SOX5: variants seen among roughly 807,000 people sequenced by gnomAD.
SOX5 encodes transcription factor SOX-5.
In SOX5, 9 loss-of-function variants were observed where a neutral mutation model predicts 92.0. That is an observed-to-expected ratio of 0.10 (90% CI 0.06 to 0.17). SOX5 has a LOEUF of 0.17. SOX5 is among the 10% of genes least tolerant of loss of function. The probability of loss-of-function intolerance (pLI) is 1.00; values close to 1 mark genes in which losing one functional copy is unlikely to be tolerated. For synonymous variants in SOX5, 344 were observed against 336.3 expected (o/e 1.02, Z -0.25); for missense variants, 642 against 944.5 (o/e 0.68, Z 4.20).
chr12:23,891,891 C>T (rs2097133158), intron 2 of SOX5, among the ~76,000 whole-genome samples: 1 of 152,056 alleles, frequency 6.6e-6, no homozygotes, highest in Non-Finnish European at 1.5e-5. Context: ...ATATATTATA[C>T]ATTAGTAGAT....
rs569099975 is a variant in SOX5, at chr12:23,713,658, T to C, written c.810+21026A>G. 1.1e-4 allele frequency among the ~76,000 whole-genome samples: 17 copies of C among 149,660 alleles called. 2 individuals are homozygous for C. The South Asian group carries it at 3.6e-3, about 32-fold the overall frequency. On this transcript the variant is annotated intron_variant, in intron 6 of 14. Transcript: ENST00000451604. ...ATTCTCCAGTGTCTCTGTGTGTGTGTGTGTGTATGTGTGAATGTGTGTATT... is the reference window on the plus strand; with the variant it reads ...ATTCTCCAGTGTCTCTGTGTGTGTGCGTGTGTATGTGTGAATGTGTGTATT...
intron 8 of SOX5, among the ~76,000 whole-genome samples, chr12:23,624,116 C>T (rs1400411901): frequency 6.6e-6 from 1 of 151,892 alleles, no homozygotes; most frequent in East Asian, 1.9e-4. Flanking sequence ...GATTAAGTAA[C>T]AAGAGGTGCC....
chr12:23,900,723 C>A (rs1185743803), intron 1 of SOX5, among the ~76,000 whole-genome samples: 1 of 152,100 alleles, frequency 6.6e-6, no homozygotes, highest in East Asian at 1.9e-4. Flanking sequence ...TGCCTGTAAT[C>A]CCAGCACTCT....
chr12:24,183,161 C>A (rs1022050997), intron 4 of SOX5, among the ~76,000 whole-genome samples: 3 of 152,130 alleles, frequency 2.0e-5, no homozygotes, highest in African/African-American at 7.2e-5. Context: ...TATTAGTATG[C>A]GTTTTCTAGA....
At chr12:23,626,108 A>C (rs1250405787) in intron 8 of SOX5, among the ~76,000 whole-genome samples, 2 of 152,118 alleles carry the variant, frequency 1.3e-5, no homozygotes, top group Non-Finnish European at 2.9e-5. Context: ...GAAAGAGAAA[A>C]AGAAAGAGAC....
At chr12:24,169,062 C>T (rs2139096636) in intron 4 of SOX5, among the ~76,000 whole-genome samples, 1 of 152,130 alleles carries the variant, frequency 6.6e-6, no homozygotes, top group Middle Eastern at 3.4e-3. Flanking sequence ...AGATGTGAAA[C>T]TACATTGTAG....
chr12:24,506,264 T>A (rs189587780), intron 1 of SOX5, among the ~76,000 whole-genome samples: 24 of 152,248 alleles, frequency 1.6e-4, no homozygotes, highest in Non-Finnish European at 2.9e-4. Context: ...TGTCCCCTTT[T>A]AAAACATTTT....
intron 1 of SOX5, among the ~76,000 whole-genome samples, chr12:23,939,367 T>C (rs1244051476): frequency 6.6e-6 from 1 of 151,070 alleles, no homozygotes; most frequent in Non-Finnish European, 1.5e-5. Context: ...GTGAGGTTAT[T>C]TTCTTTCTTT....
chr12:23,634,159 C>A (rs144581480), intron 8 of SOX5, among the ~76,000 whole-genome samples: 1 of 152,252 alleles, frequency 6.6e-6, no homozygotes, highest in South Asian at 2.1e-4. Context: ...CAAGTATGCA[C>A]TGAATACCTG....
chr12:24,270,562 T>A (rs1454128717), intron 3 of SOX5, among the ~76,000 whole-genome samples: 1 of 152,206 alleles, frequency 6.6e-6, no homozygotes, highest in Non-Finnish European at 1.5e-5. Context: ...ATGTTCAGTT[T>A]AACACATAGT....
chr12:23,831,699 G>A (rs915555835), intron 3 of SOX5, among the ~76,000 whole-genome samples: 2 of 151,994 alleles, frequency 1.3e-5, no homozygotes, highest in Admixed American at 1.3e-4. Context: ...TGTGCCTTTA[G>A]GGTCTTGAAA....
At chr12:23,957,617 G>T (rs1946428562) in intron 4 of SOX5, among the ~76,000 whole-genome samples, 1 of 152,170 alleles carries the variant, frequency 6.6e-6, no homozygotes, top group Non-Finnish European at 1.5e-5. Context: ...AGAAAACCTA[G>T]TTGTTATAAT....
intron 4 of SOX5, among the ~76,000 whole-genome samples, chr12:24,069,278 A>G (rs115872443): frequency 6.6e-6 from 1 of 152,218 alleles, no homozygotes; most frequent in East Asian, 1.9e-4. Flanking sequence ...CCTCAGAAAT[A>G]GGTATGCATC....
chr12:24,084,704 T>C (rs1302860151), intron 4 of SOX5, among the ~76,000 whole-genome samples: 1 of 152,052 alleles, frequency 6.6e-6, no homozygotes, highest in African/African-American at 2.4e-5. Context: ...GTGCTCCTCA[T>C]GCAGTTTCTA....
chr12:23,932,127 T>C (rs989522228), intron 1 of SOX5, among the ~76,000 whole-genome samples: 1 of 151,392 alleles, frequency 6.6e-6, no homozygotes, highest in Admixed American at 6.6e-5. Context: ...TTCTGACAGA[T>C]CTAATTACAA....
At chr12:24,064,078 T>C (rs538802744) in intron 4 of SOX5, among the ~76,000 whole-genome samples, 1 of 152,332 alleles carries the variant, frequency 6.6e-6, no homozygotes, top group East Asian at 1.9e-4. Flanking sequence ...GTAGTTCTTA[T>C]GCTTAACACG....
chr12:23,643,381 T>A (rs1461042028), intron 7 of SOX5, among the ~76,000 whole-genome samples: 1 of 152,216 alleles, frequency 6.6e-6, no homozygotes, highest in African/African-American at 2.4e-5. Flanking sequence ...CTGTTTTAGA[T>A]ATTTTAAGTT....
intron 1 of SOX5, among the ~76,000 whole-genome samples, chr12:23,914,068 A>G (rs1300163322): frequency 6.6e-6 from 1 of 152,166 alleles, no homozygotes; most frequent in African/African-American, 2.4e-5. Context: ...TTCTGGAATA[A>G]TCTCCAAAAT....
chr12:23,926,613 T>C (rs1162373898), intron 1 of SOX5, among the ~76,000 whole-genome samples: 1 of 152,104 alleles, frequency 6.6e-6, no homozygotes, highest in East Asian at 1.9e-4. Flanking sequence ...ATATTCAAAA[T>C]CCTATGCTTT....
Sources: gnomAD v4.1 joint callset for allele counts (sites outside exome capture counted in the v4.1 genomes callset) on GRCh38, gnomAD v4.1.1 for gene constraint, MANE v1.5 for transcripts, NCBI Gene and HGNC (gene_info 2026-07-23, HGNC 2026-07-21) for gene names.